NRG1: variants seen among roughly 807,000 people sequenced by gnomAD.
NRG1 encodes the protein pro-neuregulin-1, membrane-bound isoform.
NRG1 carries 18 observed loss-of-function variants against 63.8 expected under a neutral mutation model. The ratio of observed to expected loss-of-function variants is 0.28; its 90% confidence interval spans 0.19 to 0.42. The LOEUF is 0.42. Ranked by LOEUF, NRG1 falls within the 10% of genes least tolerant of loss-of-function variation. The pLI, the probability that NRG1 is intolerant of heterozygous loss-of-function variation, is 1.00. For synonymous variants in NRG1, 302 were observed against 301.3 expected, an observed-to-expected ratio of 1.00 and a Z score of -0.02; for missense variants, 762 against 814.7, an observed-to-expected ratio of 0.94 and a Z score of 0.79.
chr8:32,662,961 G>C (rs1373924042), intron 5 of NRG1, among the ~76,000 whole-genome samples: 1 of 152,134 alleles, frequency 6.6e-6, no homozygotes, highest in Non-Finnish European at 1.5e-5. Flanking sequence ...ACGGCTTTAT[G>C]TGTGACTAGA....
chr8:32,329,760 A>G (rs1469062240), intron 1 of NRG1, among the ~76,000 whole-genome samples: 1 of 152,188 alleles, frequency 6.6e-6, no homozygotes, highest in Admixed American at 6.5e-5. Context: ...GGTAAGTAGT[A>G]TTAAGGACAC....
intron 1 of NRG1, among the ~76,000 whole-genome samples, chr8:32,124,929 G>A (rs1488813820): frequency 6.6e-6 from 1 of 151,862 alleles, no homozygotes; most frequent in East Asian, 1.9e-4. Flanking sequence ...ACTATGGGCT[G>A]AATATGCCCC....
At chr8:31,683,798 G>C (rs1808589226) in intron 1 of NRG1, among the ~76,000 whole-genome samples, 1 of 152,076 alleles carries the variant, frequency 6.6e-6, no homozygotes, top group Non-Finnish European at 1.5e-5. Flanking sequence ...GGGTGGGGCA[G>C]GGGCTATATG....
chr8:31,969,412 A>G (rs1427081967), intron 1 of NRG1, among the ~76,000 whole-genome samples: 2 of 152,184 alleles, frequency 1.3e-5, no homozygotes, highest in Non-Finnish European at 2.9e-5. Context: ...CCATTTCATA[A>G]CCCTGTCAAG....
At chr8:31,672,104 G>A (rs1428997611) in intron 1 of NRG1, among the ~76,000 whole-genome samples, 2 of 152,102 alleles carry the variant, frequency 1.3e-5, no homozygotes, top group East Asian at 1.9e-4. Context: ...TGTGAGAAAT[G>A]TTTCCTATCT....
At chr8:31,982,066 C>T (rs1226382844) in intron 1 of NRG1, among the ~76,000 whole-genome samples, 1 of 151,724 alleles carries the variant, frequency 6.6e-6, no homozygotes, top group Non-Finnish European at 1.5e-5. Context: ...TGGTCGCAGT[C>T]ACAGCTCAAG....
intron 1 of NRG1, among the ~76,000 whole-genome samples, chr8:31,933,983 ATTTATAT>A (rs1160732389): frequency 6.6e-6 from 1 of 152,172 alleles, no homozygotes; most frequent in Non-Finnish European, 1.5e-5. Flanking sequence ...AATACATTTC[ATTTATAT>A]TTTATAAGAT....
chr8:32,182,574 A>G (rs1442296292), intron 1 of NRG1, among the ~76,000 whole-genome samples: 2 of 152,134 alleles, frequency 1.3e-5, no homozygotes, highest in African/African-American at 2.4e-5. Context: ...AGTAGGCCCA[A>G]AGGAAGTCTG....
chr8:31,773,023 TC>T (rs1818783372), intron 1 of NRG1, among the ~76,000 whole-genome samples: 1 of 152,180 alleles, frequency 6.6e-6, no homozygotes, highest in East Asian at 1.9e-4. Context: ...TCTGTGAAGG[TC>T]CTGGCTCAGA....
intron 1 of NRG1, among the ~76,000 whole-genome samples, chr8:32,320,683 A>G (rs190751828): frequency 2.0e-5 from 3 of 152,284 alleles, no homozygotes; most frequent in African/African-American, 2.4e-5. Flanking sequence ...CCCTCCTCCA[A>G]CACTGGGGAT....
intron 1 of NRG1, among the ~76,000 whole-genome samples, chr8:31,805,814 C>T (rs1402764216): frequency 3.7e-5 from 4 of 107,616 alleles, no homozygotes; most frequent in Non-Finnish European, 5.2e-5. Flanking sequence ...GGCAACCGAG[C>T]GGGACTCCGT....
At chr8:32,548,147 G>A (rs1338966512), upstream of NRG1, 2 of 894,918 alleles carry the variant, frequency 2.2e-6, no homozygotes, top group Non-Finnish European at 2.7e-6. Context: ...GCCGAGCCCA[G>A]GCTCCTCCCG....
intron 1 of NRG1, among the ~76,000 whole-genome samples, chr8:32,579,342 G>A (rs901521403): frequency 2.6e-5 from 4 of 151,902 alleles, no homozygotes; most frequent in African/African-American, 7.3e-5. Flanking sequence ...AGATCTTCGT[G>A]GCTCACTTTA....
At chr8:32,532,325 G>T (rs1215221446) in intron 1 of NRG1, among the ~76,000 whole-genome samples, 5 of 152,034 alleles carry the variant, frequency 3.3e-5, no homozygotes, top group African/African-American at 1.2e-4. Flanking sequence ...ATTAAAGCTA[G>T]TATGTGCTAT....
chr8:31,747,520 T>C (rs1816012007), intron 1 of NRG1, among the ~76,000 whole-genome samples: 1 of 151,988 alleles, frequency 6.6e-6, no homozygotes, highest in African/African-American at 2.4e-5. Context: ...TTCCTGAGGG[T>C]ACCTGTTTTG....
intron 1 of NRG1, among the ~76,000 whole-genome samples, chr8:31,689,579 G>A (rs1207723886): frequency 2.0e-5 from 3 of 152,060 alleles, no homozygotes; most frequent in Non-Finnish European, 4.4e-5. Flanking sequence ...CTCTGTTGCA[G>A]CTCTTCTGAA....
At chr8:31,866,834 T>C (rs1424663409) in intron 1 of NRG1, among the ~76,000 whole-genome samples, 2 of 152,190 alleles carry the variant, frequency 1.3e-5, no homozygotes, top group Admixed American at 6.6e-5. Flanking sequence ...AATGATTTTT[T>C]AAAGTGCAGG....
chr8:31,946,133 A>G (rs1439450010), intron 1 of NRG1, among the ~76,000 whole-genome samples: 2 of 152,180 alleles, frequency 1.3e-5, no homozygotes, highest in Admixed American at 6.5e-5. Context: ...ATTTTCTTGC[A>G]CAGCTTTATA....
chr8:32,728,832 G>A (rs987091278), intron 6 of NRG1, among the ~76,000 whole-genome samples: 2 of 152,106 alleles, frequency 1.3e-5, no homozygotes, highest in African/African-American at 4.8e-5. Context: ...TTGGGAGGCC[G>A]AGGCGGGCAG....
Sources: gnomAD v4.1 joint callset for allele counts (sites outside exome capture counted in the v4.1 genomes callset) on GRCh38, gnomAD v4.1.1 for gene constraint, MANE v1.5 for transcripts, NCBI Gene and HGNC (gene_info 2026-07-23, HGNC 2026-07-21) for gene names.